CFAP57: variants seen among roughly 807,000 people sequenced by gnomAD.
CFAP57 encodes cilia- and flagella-associated protein 57.
A neutral mutation model predicts 146.8 loss-of-function variants in CFAP57; 116 were observed. That is an observed-to-expected ratio of 0.79 (90% CI 0.68 to 0.92). The LOEUF (loss-of-function observed/expected upper bound fraction) is 0.92. Ranked by LOEUF, CFAP57 falls within the 40% of genes least tolerant of loss-of-function variation. The pLI is 0.00. For missense variants in CFAP57, 1,377 were observed against 1,527.2 expected (o/e 0.90, Z 1.64); for synonymous variants, 518 against 552.8 (o/e 0.94, Z 0.88).
intron 2 of CFAP57, among the ~76,000 whole-genome samples, chr1:43,175,320 CA>C (rs1379847979): frequency 6.6e-6 from 1 of 151,496 alleles, no homozygotes; most frequent in Non-Finnish European, 1.5e-5. Flanking sequence ...TGTATATATA[CA>C]TAGTATATAT....
Position 43,207,357 on chromosome 1 carries a change from T to C in CFAP57, c.1755+425T>C, listed in dbSNP as rs545530307. Among the ~76,000 whole-genome samples the C allele has an allele frequency of 3.9e-5, 6 of 152,290 alleles. No individual in the cohort carries two copies. The East Asian group carries it at 9.6e-4, about 24-fold the overall frequency. ...CTGTAAGATTGTAATGCCATAAGAT[T>C]ATAATGCCAAATGTTCACTGTACCT... On this transcript the variant is annotated intron_variant, in intron 10 of 22. Transcript: ENST00000372492.
At chr1:43,219,312 G>T in intron 12 of CFAP57, 70 bp from the exon 13 acceptor site, 1 of 1,471,884 alleles carries the variant, frequency 6.8e-7, no homozygotes, top group Non-Finnish European at 9.1e-7. Context: ...TCAGGTCAAG[G>T]CCGCAGGTTT....
At chr1:43,243,466 C>A in intron 22 of CFAP57, 107 bp downstream of exon 22, 1 of 1,248,620 alleles carries the variant, frequency 8.0e-7, no homozygotes, top group Non-Finnish European at 1.1e-6. Flanking sequence ...CCCATCTACA[C>A]ATGGCCTTCT....
chr1:43,229,441 A>G (rs1217599577), intron 18 of CFAP57, among the ~76,000 whole-genome samples: 1 of 148,262 alleles, frequency 6.7e-6, no homozygotes, highest in African/African-American at 2.5e-5. Context: ...GGAGCCTCTG[A>G]CCTTGGGGCT....
At chr1:43,174,672 T>C (rs1158415095) in intron 2 of CFAP57, among the ~76,000 whole-genome samples, 3 of 151,932 alleles carry the variant, frequency 2.0e-5, no homozygotes, top group Admixed American at 2.0e-4. Context: ...AAAAATCAGC[T>C]GGGCGTGGTG....
At chr1:43,231,776 GA>G (rs1645481460) in intron 18 of CFAP57, among the ~76,000 whole-genome samples, 1 of 151,970 alleles carries the variant, frequency 6.6e-6, no homozygotes, top group Admixed American at 6.6e-5. Flanking sequence ...GCTGAGGCTA[GA>G]AAATTGCTTA....
chr1:43,221,291 G>A, intron 13 of CFAP57, 81 bp from the exon 14 acceptor site: 2 of 967,682 alleles, frequency 2.1e-6, no homozygotes, highest in East Asian at 2.8e-5. Flanking sequence ...GTGAAGGAGG[G>A]TGTTACTTGT....
chr1:43,206,718 A>G lies in CFAP57; in HGVS notation c.1543-2A>G, dbSNP rs1644372226. 1.2e-6 allele frequency: 2 copies of G among 1,614,032 alleles called. No homozygotes were observed. The highest frequency in any genetic ancestry group is 2.7e-5 in the African/African-American group (2 of 74,992). ...CACTGGATATGTCTTCCTCTCCTGC[A>G]GATTCGCTCAATTGTGTGGAATGCA... On this transcript the variant is annotated splice_acceptor_variant, in intron 9 of 22. Coordinates refer to ENST00000372492, the MANE Select transcript of CFAP57 (RefSeq NM_001378189.1). LOFTEE classifies it high-confidence loss of function.
At chr1:43,248,138 CAAAA>C (rs35277187) in intron 22 of CFAP57, among the ~76,000 whole-genome samples, 1 of 54,802 alleles carries the variant, frequency 1.8e-5, no homozygotes, top group Non-Finnish European at 3.3e-5. Context: ...GACTCTGTCT[CAAAA>C]AAAAAAAAAA....
At chr1:43,188,040 G>C (rs2124344125) in intron 6 of CFAP57, among the ~76,000 whole-genome samples, 1 of 152,254 alleles carries the variant, frequency 6.6e-6, no homozygotes, top group African/African-American at 2.4e-5. Flanking sequence ...CTGAGCTCAA[G>C]CAGTCCACCC....
At chr1:43,174,881 A>G (rs1645111032) in intron 2 of CFAP57, among the ~76,000 whole-genome samples, 1 of 152,208 alleles carries the variant, frequency 6.6e-6, no homozygotes, top group Admixed American at 6.5e-5. Context: ...TTCTACAGAC[A>G]ACATTAATTT....
rs1429878120 is a variant in CFAP57 at position 43,227,105 on chromosome 1, G to A, written c.2988G>A (p.Val996=). Residue 996 remains valine (V), a synonymous_variant, in exon 18 of 23, where the codon GTG becomes GTA. Coordinates refer to ENST00000372492, the MANE Select transcript of CFAP57 (RefSeq NM_001378189.1). ...AACCTCGAGAGAATGAGATCAGGGT[G>A]ATGAAGGAACAGATTCAGGAGGTAA... ...QIEPRENEIR[V]MKEQIQEMEA... 6.5e-6 allele frequency: 10 copies of A among 1,540,122 alleles called. No homozygotes were observed. The Admixed American group carries it at 2.0e-4, about 31-fold the overall frequency.
intron 2 of CFAP57, among the ~76,000 whole-genome samples, chr1:43,179,048 C>T (rs963219742): frequency 2.6e-5 from 4 of 152,090 alleles, no homozygotes; most frequent in African/African-American, 4.8e-5. Flanking sequence ...AAAAACCAAA[C>T]ACCGCATGTT....
chr1:43,172,671 C>T, intron 1 of CFAP57, 64 bp from the exon 2 acceptor site: 2 of 1,541,788 alleles, frequency 1.3e-6, no homozygotes, highest in Admixed American at 3.5e-5. Context: ...CGAGTCCGGG[C>T]CGGGGGCGGG....
At position 43,254,074 on chromosome 1, in the gene CFAP57, G is replaced by A; in HGVS notation, c.3636G>A (p.Gln1212=). The change falls in exon 23 of 23, where the codon CAG becomes CAA. Residue 1212 remains glutamine, a synonymous_variant. Transcript: ENST00000372492. ...TTGAAATGCAGCGCCTAGAAATCCA[G>A]CGCCTCAGAGACCAGATCCAAGAGC... is the stretch of plus-strand genomic sequence containing the variant. ...RIIEMQRLEI[Q]RLRDQIQEQE... The A allele has an allele frequency of 6.4e-7, 1 of 1,550,660 alleles. No individual in the cohort carries two copies. The highest frequency in any genetic ancestry group is 1.2e-5 in the South Asian group (1 of 84,060).
chr1:43,221,453 C>T lies in CFAP57; in HGVS notation c.2329C>T (p.Leu777=). 2 of 1,534,652 alleles carry T rather than the reference C, an allele frequency of 1.3e-6. No homozygotes were observed. The highest frequency in any genetic ancestry group is 1.7e-4 in the Middle Eastern group (1 of 5,892). The change falls in exon 14 of 23, where the codon CTG becomes TTG. Residue 777 remains leucine, a synonymous_variant. Transcript: ENST00000372492. ...EDLLDKQSRE[L]QDMECCNNQK... is the part of the protein sequence containing the mutation. ...CCTCCTAGACAAGCAAAGCCGGGAA[C>T]TGCAGGACATGGGTGAGCCCACAAG...
chr1:43,214,677 T>C (rs1308293169), intron 11 of CFAP57, among the ~76,000 whole-genome samples: 1 of 152,078 alleles, frequency 6.6e-6, no homozygotes, highest in Non-Finnish European at 1.5e-5. Flanking sequence ...TATATTCAGG[T>C]TTGTTTTTTT....
chr1:43,193,565 A>G (rs2124388286), intron 6 of CFAP57, among the ~76,000 whole-genome samples: 1 of 152,178 alleles, frequency 6.6e-6, no homozygotes, highest in East Asian at 1.9e-4. Context: ...AATCAGATTC[A>G]GTTTGATTCA....
At chr1:43,220,802 T>TA (rs34574500) in intron 13 of CFAP57, among the ~76,000 whole-genome samples, 1 of 148,722 alleles carries the variant, frequency 6.7e-6, no homozygotes, top group Non-Finnish European at 1.5e-5. Flanking sequence ...AAAGTTCGGC[T>TA]AAAAAAAAAA....
Sources: gnomAD v4.1 joint callset for allele counts (sites outside exome capture counted in the v4.1 genomes callset) on GRCh38, gnomAD v4.1.1 for gene constraint, MANE v1.5 for transcripts, NCBI Gene and HGNC (gene_info 2026-07-23, HGNC 2026-07-21) for gene names.